DIAPH2: variants seen among roughly 807,000 people sequenced by gnomAD.
DIAPH2 encodes the protein protein diaphanous homolog 2.
In DIAPH2, 35 loss-of-function variants were observed where a neutral mutation model predicts 92.7. The observed-to-expected ratio is 0.38, with a 90% CI of 0.29 to 0.50. The LOEUF is 0.50. Among genes scored for constraint, DIAPH2 ranks in the 20% least tolerant of loss-of-function variants. The pLI, the probability that DIAPH2 is intolerant of heterozygous loss-of-function variation, is 0.94. For synonymous variants in DIAPH2, 301 were observed against 280.4 expected (o/e 1.07, Z -0.73); for missense variants, 701 against 819.5 (o/e 0.86, Z 1.77).
At chrX:97,016,791 T>C (rs2066264012) in intron 17 of DIAPH2, among the ~76,000 whole-genome samples, 1 of 112,559 alleles carries the variant, frequency 8.9e-6, no homozygotes, top group East Asian at 2.8e-4. Context: ...TTTTAATCTC[T>C]TAAAGTATAT....
chrX:96,888,249 C>T (rs771435875), intron 5 of DIAPH2, among the ~76,000 whole-genome samples: 2 of 108,351 alleles, frequency 1.8e-5, no homozygotes, highest in South Asian at 4.0e-4. Context: ...TTAGTAAAGA[C>T]GGGGTTTCGC....
intron 24 of DIAPH2, among the ~76,000 whole-genome samples, chrX:97,349,004 GTGTGTGTATATATATGTGTATATATA>G (rs1382772353): frequency 3.0e-5 from 3 of 99,041 alleles, no homozygotes; most frequent in East Asian, 2.9e-4. Flanking sequence ...ATATATATAT[GTGTGTGTATATATATGTGTATATATA>G]TGTGTGTATA....
chrX:97,138,281 T>A (rs1440661157), intron 21 of DIAPH2, among the ~76,000 whole-genome samples: 1 of 111,976 alleles, frequency 8.9e-6, no homozygotes, highest in Non-Finnish European at 1.9e-5. Flanking sequence ...TATTGAGAAA[T>A]TTTGCTATAT....
intron 15 of DIAPH2, among the ~76,000 whole-genome samples, chrX:96,952,053 A>G (rs779104948): frequency 1.2e-4 from 14 of 112,048 alleles, no homozygotes; most frequent in African/African-American, 4.5e-4. Flanking sequence ...TTTGTAGGAT[A>G]AATTACTAAT....
intron 22 of DIAPH2, among the ~76,000 whole-genome samples, chrX:97,216,242 C>A (rs1444207984): frequency 8.9e-6 from 1 of 111,998 alleles, no homozygotes; most frequent in African/African-American, 3.2e-5. Context: ...ATTTCTTATA[C>A]AAAGGAGTGT....
intron 4 of DIAPH2, among the ~76,000 whole-genome samples, chrX:96,806,323 G>T (rs2064624091): frequency 9.0e-6 from 1 of 111,251 alleles, no homozygotes. Context: ...AACATTGAGG[G>T]CTTGTAATTT....
chrX:96,809,166 C>T (rs770805181), intron 4 of DIAPH2, among the ~76,000 whole-genome samples: 1 of 111,185 alleles, frequency 9.0e-6, no homozygotes, highest in Admixed American at 9.6e-5. Context: ...CTTTTCCTCT[C>T]CGTCTTCTCT....
chrX:96,869,557 CACTACTACT>C (rs58876338), intron 4 of DIAPH2, among the ~76,000 whole-genome samples: 66 of 97,925 alleles, frequency 6.7e-4, no homozygotes, highest in African/African-American at 2.3e-3. Flanking sequence ...CTACTACTAC[CACTACTACT>C]ACTACTACTA....
intron 5 of DIAPH2, among the ~76,000 whole-genome samples, chrX:96,893,725 C>G (rs1279303484): frequency 1.8e-5 from 2 of 112,132 alleles, no homozygotes; most frequent in African/African-American, 6.5e-5. Context: ...TGAGGCTCTC[C>G]CCTTGGACTG....
chrX:97,199,568 G>A (rs1334793977), intron 22 of DIAPH2, among the ~76,000 whole-genome samples: 2 of 110,945 alleles, frequency 1.8e-5, no homozygotes, highest in African/African-American at 3.3e-5. Context: ...CTGATCTCCC[G>A]CAATGTTCTA....
At chrX:96,832,008 C>T (rs1176958087) in intron 4 of DIAPH2, among the ~76,000 whole-genome samples, 1 of 111,381 alleles carries the variant, frequency 9.0e-6, no homozygotes, top group African/African-American at 3.3e-5. Flanking sequence ...TAGGAAAGTA[C>T]GATCCTACTG....
chrX:96,921,084 A>G (rs2065539441), intron 9 of DIAPH2, among the ~76,000 whole-genome samples: 2 of 112,186 alleles, frequency 1.8e-5, no homozygotes, highest in South Asian at 7.5e-4. Context: ...CTATTTCTGT[A>G]GTATCCTGAG....
At chrX:97,496,838 A>G (rs1021472718) in intron 26 of DIAPH2, among the ~76,000 whole-genome samples, 1 of 111,187 alleles carries the variant, frequency 9.0e-6, no homozygotes, top group African/African-American at 3.3e-5. Flanking sequence ...GCACCCAGCC[A>G]TGAATTAGAT....
intron 22 of DIAPH2, among the ~76,000 whole-genome samples, chrX:97,212,600 T>C (rs1042338173): frequency 9.3e-6 from 1 of 106,966 alleles, no homozygotes. Flanking sequence ...GTTTTTTTTT[T>C]TTTTTTTTCA....
intron 23 of DIAPH2, among the ~76,000 whole-genome samples, chrX:97,300,953 AAAAAAAAAAAAAGAAG>A (rs1248799287): frequency 4.6e-5 from 3 of 65,094 alleles, no homozygotes; most frequent in African/African-American, 1.4e-4. Context: ...AAAAAAAAAA[AAAAAAAAAAAAAGAAG>A]AAGAAGAATG....
At chrX:96,954,742 GGGTT>G in intron 15 of DIAPH2, among the ~76,000 whole-genome samples, 1 of 112,048 alleles carries the variant, frequency 8.9e-6, no homozygotes, top group African/African-American at 3.2e-5. Flanking sequence ...CTGTATTACA[GGGTT>G]ATAATAAGGA....
At chrX:96,734,505 A>G (rs1334010704) in intron 1 of DIAPH2, among the ~76,000 whole-genome samples, 1 of 111,680 alleles carries the variant, frequency 9.0e-6, no homozygotes, top group Non-Finnish European at 1.9e-5. Context: ...TACCTGGTAG[A>G]GAGAGTTGCA....
intron 4 of DIAPH2, among the ~76,000 whole-genome samples, chrX:96,830,009 A>C (rs773933743): frequency 1.8e-5 from 2 of 110,348 alleles, no homozygotes; most frequent in East Asian, 5.7e-4. Flanking sequence ...AGTTCTACCA[A>C]ATATATATAT....
chrX:96,941,940 A>T, intron 12 of DIAPH2, 78 bp from the exon 13 acceptor site: 1 of 556,776 alleles, frequency 1.8e-6, no homozygotes, highest in South Asian at 2.8e-5. Flanking sequence ...TAGTTCTTCT[A>T]ATATGTTGAA....
Sources: allele counts gnomAD v4.1 joint callset (sites outside exome capture counted in the v4.1 genomes callset), GRCh38; gene constraint gnomAD v4.1.1; transcripts MANE v1.5; gene names NCBI Gene and HGNC (gene_info 2026-07-23, HGNC 2026-07-21).